FLYWCH1: variants seen among roughly 807,000 people sequenced by gnomAD.
The protein encoded by FLYWCH1 is FLYWCH-type zinc finger 1, also known as FLYWCH-type zinc finger-containing protein 1.
FLYWCH1 carries 75 observed loss-of-function variants against 66.4 expected under a neutral mutation model. The ratio of observed to expected loss-of-function variants is 1.13; its 90% CI spans 0.94 to 1.37. The LOEUF is 1.37. Ranked by LOEUF, FLYWCH1 falls within the 40% of genes most tolerant of loss-of-function variation. FLYWCH1 has a pLI of 0.00. For missense variants in FLYWCH1, 1,334 were observed against 1,001.8 expected (o/e 1.33, Z -4.48); for synonymous variants, 595 against 429.9 (o/e 1.38, Z -4.75).
chr16:2,940,212 G>A (rs2071204678), intron 9 of FLYWCH1, 120 bp downstream of exon 9: 1 of 628,106 alleles, frequency 1.6e-6, no homozygotes, highest in Non-Finnish European at 2.9e-6. Context: ...TGGTTGGGCT[G>A]GGTGGTTCTG....
chr16:2,921,035 G>A (rs1337133787), intron 2 of FLYWCH1, among the ~76,000 whole-genome samples: 1 of 151,374 alleles, frequency 6.6e-6, no homozygotes, highest in East Asian at 1.9e-4. Context: ...TAGAGACGGG[G>A]TTTCACTGTG....
At position 2,950,418 on chromosome 16, in the gene FLYWCH1, C is replaced by G. The variant is rs567767905; in HGVS notation, c.*1691C>G. ...AGGAAGGTACTTGCTGAAAGATGGT[C>G]CAGTTCATGCCGCCACCAGCTGGAC... On this transcript the variant is annotated 3_prime_UTR_variant, in exon 10 of 10. Coordinates refer to ENST00000253928, the MANE Select transcript of FLYWCH1 (RefSeq NM_001308068.2). 2.0e-5 allele frequency: 3 copies of G among 152,566 alleles called. No homozygotes were observed. The highest frequency in any genetic ancestry group is 4.1e-4 in the South Asian group (2 of 4,836). The allele number at this position is 152,566 out of a possible 1,614,324, so 9.5% of individuals were successfully genotyped here.
chr16:2,916,280 C>T (rs992352396), intron 2 of FLYWCH1, among the ~76,000 whole-genome samples: 1 of 152,158 alleles, frequency 6.6e-6, no homozygotes, highest in Non-Finnish European at 1.5e-5. Context: ...GCAGAAGTTG[C>T]AGTGAGCTGA....
At chr16:2,933,056 A>G in intron 4 of FLYWCH1, 74 bp from the exon 5 acceptor site, 2 of 1,305,584 alleles carry the variant, frequency 1.5e-6, no homozygotes, top group Non-Finnish European at 2.1e-6. Flanking sequence ...GTCAGCCCCC[A>G]CAGTCTGCAG....
At chr16:2,941,751 G>C (rs918333398) in intron 9 of FLYWCH1, among the ~76,000 whole-genome samples, 1 of 151,660 alleles carries the variant, frequency 6.6e-6, no homozygotes, top group Non-Finnish European at 1.5e-5. Context: ...GTCTGGGCGT[G>C]GTGGCTCACA....
intron 9 of FLYWCH1, among the ~76,000 whole-genome samples, chr16:2,944,238 C>G (rs2151018040): frequency 6.7e-6 from 1 of 149,826 alleles, no homozygotes; most frequent in Non-Finnish European, 1.5e-5. Context: ...AATACAATAG[C>G]CAGGCTTGGC....
At chr16:2,936,826 T>G (rs1405613560) in intron 6 of FLYWCH1, 14 of 596,300 alleles carry the variant, frequency 2.3e-5, no homozygotes, top group Non-Finnish European at 4.4e-5. Context: ...GGGCGGGTGC[T>G]GGGGACGGAC....
intron 9 of FLYWCH1, among the ~76,000 whole-genome samples, chr16:2,946,712 G>C (rs1420277804): frequency 6.6e-6 from 1 of 152,098 alleles, no homozygotes; most frequent in African/African-American, 2.4e-5. Flanking sequence ...TTTGATTTCT[G>C]CCATGAATTC....
Position 2,938,430 on chromosome 16 carries a change from C to A in FLYWCH1, c.2024C>A (p.Pro675His), listed in dbSNP as rs763411850. ...GCCTTGAGGCAACGGGAGCGGCTCC[C>A]CACCACGGCCCAGCAGGAGGACCCA... is the stretch of plus-strand genomic sequence containing the variant. ...LEALRQRERL[P>H]TTAQQEDPEK... is the part of the protein sequence containing the mutation. The change falls in exon 8 of 10, where the codon CCC becomes CAC. Residue 675 changes from proline (P) to histidine (H), a missense_variant. Coordinates refer to ENST00000253928, the MANE Select transcript of FLYWCH1 (RefSeq NM_001308068.2). 1.3e-6 allele frequency: 2 copies of A among 1,528,662 alleles called. No homozygotes were observed. Among genetic ancestry groups the A allele is most frequent in the South Asian group, 1.3e-5 (1 of 77,470 alleles). 94.7% of individuals were successfully genotyped at this position (1,528,662 alleles called of 1,614,324 possible).
chr16:2,915,644 A>G (rs1253953478), intron 2 of FLYWCH1, among the ~76,000 whole-genome samples: 2 of 152,098 alleles, frequency 1.3e-5, no homozygotes, highest in African/African-American at 4.8e-5. Flanking sequence ...GCAGTGGTTC[A>G]CGCCTGTAAT....
At chr16:2,938,155 C>T in intron 7 of FLYWCH1, 29 bp from the exon 8 acceptor site, 3 of 1,604,004 alleles carry the variant, frequency 1.9e-6, no homozygotes, top group South Asian at 1.1e-5. Context: ...CCCCTGTGGC[C>T]CCACTCACAG....
intron 9 of FLYWCH1, among the ~76,000 whole-genome samples, chr16:2,944,620 C>G (rs2071404212): frequency 6.6e-6 from 1 of 151,856 alleles, no homozygotes; most frequent in Non-Finnish European, 1.5e-5. Flanking sequence ...GTCAGGAGTT[C>G]CAGACCAGCT....
Position 2,930,779 on chromosome 16 carries a change from C to T in FLYWCH1, c.695C>T (p.Pro232Leu), listed in dbSNP as rs1567332973. 6.3e-7 allele frequency: 1 copy of T among 1,588,700 alleles called. No homozygotes were observed. The highest frequency in any genetic ancestry group is 1.3e-5 in the African/African-American group (1 of 74,572). The part of the protein sequence containing the change: ...WQCPEEPEPT[P>L]GLVLSKPALE... ...TGCCCTGAGGAGCCCGAGCCCACTC[C>T]TGGGCTGGTGCTGAGCAAGCCGGCC... The change falls in exon 4 of 10, where the codon CCT (proline) becomes CTT (leucine). Residue 232 changes from proline (P) to leucine (L), a missense_variant. By Grantham distance (98) the Pro-to-Leu change is moderately conservative (BLOSUM62 -3). Coordinates refer to ENST00000253928, the MANE Select transcript of FLYWCH1 (RefSeq NM_001308068.2).
rs71384679 is a variant in FLYWCH1, at chr16:2,912,037, C to G, written c.-305C>G. On this transcript the variant is annotated 5_prime_UTR_variant, in exon 1 of 10. Transcript: ENST00000253928. ...CAGGTCGGGGCTGGGAGCTGGTGCC[C>G]GGGTCGGGGTGGCGGCGGCGGCCTG... The G allele has an allele frequency of 0.5, 76,711 of 152,298 alleles. 19,479 individuals carry two copies. Among genetic ancestry groups the G allele is most frequent in the African/African-American group, 0.54 (22,477 of 41,488 alleles). The allele number at this position is 152,298 out of a possible 1,614,324, so 9.4% of individuals were successfully genotyped here.
intron 6 of FLYWCH1, 95 bp downstream of exon 6, chr16:2,934,074 G>C: frequency 7.3e-7 from 1 of 1,367,274 alleles, no homozygotes; most frequent in Non-Finnish European, 9.7e-7. Flanking sequence ...CCTGGCAAAC[G>C]TCCTCTTCCC....
intron 8 of FLYWCH1, among the ~76,000 whole-genome samples, chr16:2,939,199 A>C (rs547063798): frequency 6.6e-6 from 1 of 152,206 alleles, no homozygotes; most frequent in East Asian, 1.9e-4. Context: ...TAATCCCAGC[A>C]CTTTGGGAGG....
Position 2,933,886 on chromosome 16 carries a change from A to G in FLYWCH1, c.1420A>G (p.Met474Val), listed in dbSNP as rs2070883318. ...AITQGRRVTV[M>V]RGHCHPPDLG... ...CACCCAGGGCCGACGGGTGACTGTC[A>G]TGCGTGGTCACTGCCACCCGCCCGA... Residue 474 changes from methionine to valine, a missense_variant, in exon 6 of 10, where the codon ATG becomes GTG. Met to Val is a conservative substitution (Grantham distance 21). Coordinates refer to ENST00000253928, the MANE Select transcript of FLYWCH1 (RefSeq NM_001308068.2). 1.3e-6 allele frequency: 2 copies of G among 1,592,762 alleles called. No homozygotes were observed. Among genetic ancestry groups the G allele is most frequent in the East Asian group, 4.6e-5 (2 of 43,760 alleles).
chr16:2,925,947 G>T (rs1412359426), intron 2 of FLYWCH1, among the ~76,000 whole-genome samples: 1 of 152,186 alleles, frequency 6.6e-6, no homozygotes, highest in African/African-American at 2.4e-5. Context: ...CATGTGAGGT[G>T]GGGGTGAGGA....
At chr16:2,921,303 T>A (rs943844716) in intron 2 of FLYWCH1, among the ~76,000 whole-genome samples, 1 of 150,860 alleles carries the variant, frequency 6.6e-6, no homozygotes, top group Non-Finnish European at 1.5e-5. Context: ...TCATTGCTTT[T>A]AATATATTCA....
Sources: allele counts gnomAD v4.1 joint callset (sites outside exome capture counted in the v4.1 genomes callset), GRCh38; gene constraint gnomAD v4.1.1; transcripts MANE v1.5; gene names NCBI Gene and HGNC (gene_info 2026-07-23, HGNC 2026-07-21).